DPY19L3: variants seen among roughly 807,000 people sequenced by gnomAD.
DPY19L3 encodes protein C-mannosyl-transferase DPY19L3.
Under a neutral mutation model 92.3 loss-of-function variants are expected in DPY19L3, and 51 were observed. That is an observed-to-expected ratio of 0.55 (90% confidence interval 0.44 to 0.70). The LOEUF is 0.70. DPY19L3 is among the 30% of genes least tolerant of loss of function. The pLI is 0.00. For missense variants in DPY19L3, 706 were observed against 855.9 expected, an observed-to-expected ratio of 0.82 and a Z score of 2.18; for synonymous variants, 309 against 315.2, an observed-to-expected ratio of 0.98 and a Z score of 0.21.
intron 6 of DPY19L3, among the ~76,000 whole-genome samples, chr19:32,438,658 C>A (rs1969225175): frequency 1.3e-5 from 2 of 152,098 alleles, no homozygotes; most frequent in East Asian, 3.9e-4. Context: ...CCCATACTTG[C>A]CCTGTTGGGA....
intron 3 of DPY19L3, among the ~76,000 whole-genome samples, chr19:32,419,625 A>G (rs887314696): frequency 4.0e-5 from 6 of 151,756 alleles, no homozygotes; most frequent in African/African-American, 1.5e-4. Context: ...GTAGAGACAG[A>G]GTCTCACTTT....
rs935195150 is a variant in DPY19L3 at position 32,485,353 on chromosome 19, T to C, written c.*3113T>C. On this transcript the variant is annotated 3_prime_UTR_variant, in exon 19 of 19. Coordinates refer to ENST00000392250, the MANE Select transcript of DPY19L3 (RefSeq NM_001172774.2). ...CCCAGGCCATTTATCATCCTGTTAA[T>C]GATGATTTTCCCGACCCTTGTGAGA... is the stretch of plus-strand genomic sequence containing the variant. 6.6e-6 allele frequency: 1 copy of C among 152,264 alleles called. No homozygotes were observed. Among genetic ancestry groups the C allele is most frequent in the African/African-American group, 2.4e-5 (1 of 41,534 alleles). The allele number at this position is 152,264 out of a possible 1,614,324, so 9.4% of individuals were successfully genotyped here.
At chr19:32,440,935 T>C (rs1969302453) in intron 8 of DPY19L3, among the ~76,000 whole-genome samples, 1 of 150,672 alleles carries the variant, frequency 6.6e-6, no homozygotes, top group African/African-American at 2.4e-5. Context: ...ATGTCAGGGG[T>C]GGGGGCAGAA....
At chr19:32,414,169 C>A (rs1206994283) in intron 3 of DPY19L3, among the ~76,000 whole-genome samples, 23 of 152,084 alleles carry the variant, frequency 1.5e-4, no homozygotes, top group Non-Finnish European at 1.5e-5. Flanking sequence ...ACCTTTAATG[C>A]CCGCACTTTG....
At chr19:32,417,208 C>A (rs950097080) in intron 3 of DPY19L3, among the ~76,000 whole-genome samples, 1 of 152,190 alleles carries the variant, frequency 6.6e-6, no homozygotes, top group African/African-American at 2.4e-5. Flanking sequence ...AATTGTAGTT[C>A]CCATAATTCC....
At chr19:32,455,947 T>G (rs1344233794) in intron 10 of DPY19L3, among the ~76,000 whole-genome samples, 1 of 152,214 alleles carries the variant, frequency 6.6e-6, no homozygotes, top group Non-Finnish European at 1.5e-5. Context: ...TCCTAGAAGG[T>G]TGGTCTCAGG....
intron 3 of DPY19L3, among the ~76,000 whole-genome samples, chr19:32,430,791 CTTT>C (rs11296711): frequency 6.4e-5 from 8 of 125,792 alleles, no homozygotes; most frequent in Admixed American, 1.6e-4. Context: ...TGCCTGGCTA[CTTT>C]TTTTTTTTTT....
intron 1 of DPY19L3, chr19:32,406,127 GT>G (rs1487896016): frequency 6.6e-6 from 1 of 152,054 alleles, no homozygotes; most frequent in African/African-American, 2.4e-5. Flanking sequence ...GAAGGACCAA[GT>G]TTGCGGAGCG....
At position 32,482,060 on chromosome 19, in the gene DPY19L3, G is replaced by C. The variant is rs1284464645; in HGVS notation, c.1990-19G>C. On this transcript the variant is annotated intron_variant, in intron 18 of 18. Coordinates refer to ENST00000392250, the MANE Select transcript of DPY19L3 (RefSeq NM_001172774.2). ...AGAATTTTCCCCCCAAATTGTATTT[G>C]GGTTTGTTTTGGTTTTAGATGATGG... 2 of 1,604,514 alleles carry C rather than the reference G, an allele frequency of 1.2e-6. No individual in the cohort carries two copies. The highest frequency in any genetic ancestry group is 3.5e-5 in the Admixed American group (2 of 57,556).
intron 17 of DPY19L3, among the ~76,000 whole-genome samples, chr19:32,478,273 G>T (rs1186486193): frequency 1.3e-5 from 2 of 152,128 alleles, no homozygotes; most frequent in East Asian, 3.9e-4. Context: ...AGGACGTGAG[G>T]TTAGGCCACA....
chr19:32,479,333 G>T (rs963639774), intron 17 of DPY19L3, among the ~76,000 whole-genome samples: 3 of 151,972 alleles, frequency 2.0e-5, no homozygotes, highest in African/African-American at 7.3e-5. Context: ...TCTACTGCTT[G>T]GACTGGAGAC....
chr19:32,429,826 C>T (rs984919128), intron 3 of DPY19L3, among the ~76,000 whole-genome samples: 1 of 152,090 alleles, frequency 6.6e-6, no homozygotes, highest in South Asian at 2.1e-4. Flanking sequence ...CTAGTATTTG[C>T]TCAGTTAACA....
intron 8 of DPY19L3, among the ~76,000 whole-genome samples, chr19:32,440,869 G>A (rs1219220278): frequency 1.3e-5 from 2 of 152,070 alleles, no homozygotes; most frequent in Non-Finnish European, 2.9e-5. Context: ...GTTTACAGAA[G>A]TAAGAAGCTA....
chr19:32,467,565 G>A, intron 15 of DPY19L3: 23 of 987,548 alleles, frequency 2.3e-5, no homozygotes, highest in Non-Finnish European at 2.8e-5. Context: ...AGTAAAAATG[G>A]CCAAAGATGA....
At chr19:32,448,153 G>C (rs529076187) in intron 8 of DPY19L3, among the ~76,000 whole-genome samples, 2 of 152,204 alleles carry the variant, frequency 1.3e-5, no homozygotes, top group South Asian at 4.1e-4. Context: ...TACTATTTAC[G>C]TGGTAGCCAA....
At chr19:32,468,692 G>A (rs1970266020) in intron 15 of DPY19L3, 39 bp from the exon 16 acceptor site, 2 of 1,610,054 alleles carry the variant, frequency 1.2e-6, no homozygotes, top group Non-Finnish European at 8.5e-7. Context: ...GGGTGTAGGG[G>A]TGGATTTTGT....
intron 4 of DPY19L3, among the ~76,000 whole-genome samples, chr19:32,435,984 A>C (rs1167015565): frequency 6.6e-6 from 1 of 152,258 alleles, no homozygotes; most frequent in African/African-American, 2.4e-5. Flanking sequence ...GCTGGTAGAA[A>C]CATGCCTTGT....
intron 3 of DPY19L3, among the ~76,000 whole-genome samples, chr19:32,423,777 G>T (rs1366833509): frequency 1.3e-5 from 2 of 152,114 alleles, no homozygotes; most frequent in African/African-American, 2.4e-5. Context: ...CATTTTGGGA[G>T]GCCAAGGCGG....
At chr19:32,470,781 CTTT>C (rs71336911) in intron 16 of DPY19L3, among the ~76,000 whole-genome samples, 7 of 91,208 alleles carry the variant, frequency 7.7e-5, no homozygotes, top group Admixed American at 5.6e-4. Flanking sequence ...ATTCCTTTGG[CTTT>C]TTTTTTTTTT....
Sources: allele counts gnomAD v4.1 joint callset (sites outside exome capture counted in the v4.1 genomes callset), GRCh38; gene constraint gnomAD v4.1.1; transcripts MANE v1.5; gene names NCBI Gene and HGNC (gene_info 2026-07-23, HGNC 2026-07-21).